The following ZNF385D variants were observed in gnomAD, a reference collection of about 807,000 sequenced individuals.
ZNF385D encodes the protein zinc finger protein 659.
Under a neutral mutation model 35.8 loss-of-function variants are expected in ZNF385D, and 15 were observed. That is an observed-to-expected ratio of 0.42 (90% CI 0.28 to 0.64). ZNF385D has a LOEUF of 0.64. Ranked by LOEUF, ZNF385D falls within the 30% of genes least tolerant of loss-of-function variation. The pLI, the probability that ZNF385D is intolerant of heterozygous loss-of-function variation, is 0.23. For missense variants in ZNF385D, 474 were observed against 494.6 expected (o/e 0.96, Z 0.39); for synonymous variants, 212 against 186.8 (o/e 1.13, Z -1.10).
At chr3:21,632,789 AT>A (rs2065319297) in intron 2 of ZNF385D, among the ~76,000 whole-genome samples, 1 of 152,118 alleles carries the variant, frequency 6.6e-6, no homozygotes, top group East Asian at 1.9e-4. Flanking sequence ...AATAGAAACC[AT>A]TGTTTTACAT....
intron 3 of ZNF385D, among the ~76,000 whole-genome samples, chr3:21,760,626 T>C (rs1440967760): frequency 6.6e-6 from 1 of 152,200 alleles, no homozygotes; most frequent in Non-Finnish European, 1.5e-5. Context: ...GTATTTGAAA[T>C]AAAAGGTCAT....
chr3:21,840,099 A>T (rs1319956920), intron 3 of ZNF385D, among the ~76,000 whole-genome samples: 2 of 152,112 alleles, frequency 1.3e-5, no homozygotes, highest in Non-Finnish European at 2.9e-5. Context: ...TGCTTTTTAT[A>T]CGCATATTTT....
chr3:21,519,766 C>T (rs1365188081), intron 3 of ZNF385D, among the ~76,000 whole-genome samples: 1 of 152,138 alleles, frequency 6.6e-6, no homozygotes. Context: ...ATCAGAGAAA[C>T]CACTTCGTCT....
chr3:21,784,267 A>G (rs1390296741), intron 3 of ZNF385D, among the ~76,000 whole-genome samples: 2 of 152,226 alleles, frequency 1.3e-5, no homozygotes, highest in African/African-American at 4.8e-5. Context: ...TCTTAAAAAC[A>G]GAAGGTCTCT....
intron 2 of ZNF385D, chr3:21,579,045 C>G (rs2063576258): frequency 6.6e-6 from 1 of 152,100 alleles, no homozygotes; most frequent in Non-Finnish European, 1.5e-5. Context: ...GATTAGAATC[C>G]TGTTTCTAGT....
Position 22,204,846 on chromosome 3 carries a change from C to T in ZNF385D, c.107-35811G>A, listed in dbSNP as rs141467651. Among the ~76,000 whole-genome samples the T allele has an allele frequency of 1.5e-4, 23 of 151,666 alleles. No homozygotes were observed. In the East Asian group the frequency reaches 4.3e-3, roughly 28 times the overall value. ...AGAAAAAGAATAAAGAACAATGAAGCATGCCTACAAGATCTAGAAAATAGC... is the reference window on the plus strand; with the variant it reads ...AGAAAAAGAATAAAGAACAATGAAGTATGCCTACAAGATCTAGAAAATAGC... On this transcript the variant is annotated intron_variant, in intron 2 of 5. Transcript: ENST00000494108.
At chr3:22,020,912 G>A (rs2125454989) in intron 3 of ZNF385D, among the ~76,000 whole-genome samples, 1 of 151,918 alleles carries the variant, frequency 6.6e-6, no homozygotes, top group Middle Eastern at 3.4e-3. Flanking sequence ...AGGAAAATAT[G>A]GCATATATAC....
At chr3:21,791,858 C>T (rs2071943068) in intron 3 of ZNF385D, among the ~76,000 whole-genome samples, 2 of 152,042 alleles carry the variant, frequency 1.3e-5, no homozygotes, top group Non-Finnish European at 2.9e-5. Flanking sequence ...CCTCAGCCTC[C>T]CGAGTAGCTG....
In ZNF385D at chr3:22,053,073, C is replaced by A. The variant is rs1329241069; in HGVS notation, c.325+115744G>T. Among the ~76,000 whole-genome samples, 3 of 78,344 alleles carry A rather than the reference C, an allele frequency of 3.8e-5. 1 individual carries two copies. Among genetic ancestry groups the A allele is most frequent in the Non-Finnish European group, 5.1e-5 (2 of 39,290 alleles). The allele number at this position is 78,344 out of a possible 152,430, so 51.4% of individuals were successfully genotyped here. A position where few individuals can be genotyped will look rare whatever the true frequency, so the allele number is the denominator to read the frequency against. ...CTTTGTTTACCTAAGCAAGCCTGGG[C>A]AATGGCGGGCGCCCCTCCCCCAGCC... On this transcript the variant is annotated intron_variant, in intron 3 of 5. Transcript: ENST00000494108.
chr3:21,567,338 A>G (rs1460894702), intron 2 of ZNF385D, among the ~76,000 whole-genome samples: 1 of 152,130 alleles, frequency 6.6e-6, no homozygotes, highest in Non-Finnish European at 1.5e-5. Flanking sequence ...CTCTACATAT[A>G]CTGCCAAGTC....
At position 21,420,639 on chromosome 3, in the gene ZNF385D, T is replaced by C. The variant is rs554529428; in HGVS notation, c.*575A>G. On this transcript the variant is annotated 3_prime_UTR_variant, in exon 8 of 8. Coordinates refer to ENST00000281523, the MANE Select transcript of ZNF385D (RefSeq NM_024697.3). ...ACCTTTGCAATTCTTTAAAACCTAG[T>C]GGCATAGATTGAGACACAGCACTAT... 3.3e-5 allele frequency: 5 copies of C among 152,452 alleles called. No individual in the cohort carries two copies. Among genetic ancestry groups the C allele is most frequent in the Admixed American group, 2.0e-4 (3 of 15,318 alleles). The allele number at this position is 152,452 out of a possible 1,614,324, so 9.4% of individuals were successfully genotyped here.
chr3:21,510,770 G>A (rs1707142304), intron 4 of ZNF385D, 91 bp downstream of exon 4: 1 of 1,493,844 alleles, frequency 6.7e-7, no homozygotes. Context: ...CAATATGGCA[G>A]GCACATAAGT....
intron 3 of ZNF385D, among the ~76,000 whole-genome samples, chr3:22,012,947 T>A (rs1696668301): frequency 6.6e-6 from 1 of 152,122 alleles, no homozygotes; most frequent in Non-Finnish European, 1.5e-5. Context: ...AGTGTTTCCA[T>A]CTTCCCAAAT....
At chr3:21,471,828 G>T (rs1703916691) in intron 4 of ZNF385D, among the ~76,000 whole-genome samples, 1 of 152,028 alleles carries the variant, frequency 6.6e-6, no homozygotes, top group Non-Finnish European at 1.5e-5. Flanking sequence ...ATCTCAGAGA[G>T]ACAAAGAAAA....
chr3:22,118,664 C>T (rs1702932274), intron 3 of ZNF385D, among the ~76,000 whole-genome samples: 1 of 151,978 alleles, frequency 6.6e-6, no homozygotes, highest in African/African-American at 2.4e-5. Context: ...AGAACAGCCT[C>T]TCGATGGTTA....
chr3:21,710,877 T>C (rs2068074157), intron 1 of ZNF385D, among the ~76,000 whole-genome samples: 1 of 152,064 alleles, frequency 6.6e-6, no homozygotes. Flanking sequence ...AAGTTCTTCT[T>C]AGAATTCAGC....
chr3:21,890,262 A>T (rs1209546459), intron 3 of ZNF385D, among the ~76,000 whole-genome samples: 2 of 152,182 alleles, frequency 1.3e-5, no homozygotes, highest in Admixed American at 1.3e-4. Flanking sequence ...CTGAGAAAAA[A>T]AGTTTTCCTT....
intron 2 of ZNF385D, among the ~76,000 whole-genome samples, chr3:22,194,562 C>G (rs1696277533): frequency 6.6e-6 from 1 of 151,768 alleles, no homozygotes; most frequent in Non-Finnish European, 1.5e-5. Flanking sequence ...TTGTAAAATT[C>G]CATAAATTTT....
chr3:22,297,546 C>T (rs1488338525), intron 2 of ZNF385D, among the ~76,000 whole-genome samples: 1 of 152,048 alleles, frequency 6.6e-6, no homozygotes, highest in African/African-American at 2.4e-5. Context: ...GAGGACTCTG[C>T]AGTGGGTAAA....
Sources: allele counts gnomAD v4.1 joint callset (sites outside exome capture counted in the v4.1 genomes callset), GRCh38; gene constraint gnomAD v4.1.1; transcripts MANE v1.5; gene names NCBI Gene and HGNC (gene_info 2026-07-23, HGNC 2026-07-21).